Variants in ALS2 observed in about 807,000 individuals in gnomAD.
The protein encoded by ALS2 is alsin.
ALS2 carries 117 observed loss-of-function variants against 203.4 expected under a neutral mutation model. The observed-to-expected ratio is 0.58, with a 90% CI of 0.50 to 0.67. The LOEUF (loss-of-function observed/expected upper bound fraction) is 0.67. ALS2 is among the 30% of genes least tolerant of loss of function. ALS2 has a pLI of 0.00. For synonymous variants in ALS2, 718 were observed against 725.9 expected, an observed-to-expected ratio of 0.99 and a Z score of 0.17; for missense variants, 1,715 against 1,989.4, an observed-to-expected ratio of 0.86 and a Z score of 2.62.
intron 6 of ALS2, among the ~76,000 whole-genome samples, chr2:201,753,597 C>G (rs2041758): frequency 0.57 from 86,398 of 152,012 alleles, 25,803 homozygotes; most frequent in Admixed American, 0.7. Context: ...ACTATGAATA[C>G]AGACATTTAT....
Position 201,726,718 on chromosome 2 carries a change from C to A in ALS2, c.3128G>T (p.Arg1043Leu), listed in dbSNP as rs755618674. The change falls in exon 18 of 34, where the codon CGC (arginine) becomes CTC (leucine). Residue 1043 changes from arginine (R) to leucine (L), a missense_variant. Arg to Leu is a moderately radical substitution (Grantham distance 102, BLOSUM62 -2). Around this residue, in one of 3 missense-constraint regions of ALS2, gnomAD observed 1,227 missense variants for 1,413.5 expected, o/e 0.87. Transcript: ENST00000264276. ...SAKYTFYKDP[R>L]LKDATYDGRW... ...TCCATCATAGGTGGCATCCTTTAGG[C>A]GAGGATCCTTGTAGAAAGTATATTT... 6.2e-7 allele frequency: 1 copy of A among 1,614,162 alleles called. No homozygotes were observed. Among genetic ancestry groups the A allele is most frequent in the African/African-American group, 1.3e-5 (1 of 75,030 alleles).
Position 201,705,940 on chromosome 2 carries a change from C to T in ALS2, c.4581-479G>A, listed in dbSNP as rs1171247255. Among the ~76,000 whole-genome samples the T allele has an allele frequency of 1.5e-4, 15 of 97,400 alleles. No homozygotes were observed. In the Admixed American group the frequency reaches 1.7e-3, roughly 11 times the overall value. 63.9% of individuals were successfully genotyped at this position (97,400 alleles called of 152,430 possible). A position where few individuals can be genotyped will look rare whatever the true frequency, so the allele number is the denominator to read the frequency against. ...CTCCAGCCAGGGCAACAAAGCAAGA[C>T]TCCGTCTCAAAAAAAAAAAAAATTG... On this transcript the variant is annotated intron_variant, in intron 29 of 33. Coordinates refer to ENST00000264276, the MANE Select transcript of ALS2 (RefSeq NM_020919.4).
chr2:201,723,746 T>G (rs1022714119), intron 21 of ALS2, among the ~76,000 whole-genome samples: 2 of 152,200 alleles, frequency 1.3e-5, no homozygotes, highest in African/African-American at 4.8e-5. Flanking sequence ...AATTCAACTC[T>G]AAATAATTTC....
Position 201,733,346 on chromosome 2 carries a change from A to T in ALS2, c.2510T>A (p.Phe837Tyr). Reference sequence around the variant, plus strand: ...ATGAAGTCGTCTGATTGGCAAGAAAAACAAAGTATTCAGTATTTCCATCAA... The same window carrying T: ...ATGAAGTCGTCTGATTGGCAAGAAATACAAAGTATTCAGTATTTCCATCAA... Reference protein sequence around the residue: ...TQLMEILNTLFFLPIRRLHNY... With the variant: ...TQLMEILNTLYFLPIRRLHNY... Residue 837 changes from phenylalanine to tyrosine, a missense_variant, in exon 13 of 34, where the codon TTT becomes TAT. Physicochemically the swap from Phe to Tyr is conservative, Grantham distance 22. This residue lies in a region of ALS2 where 1,227 missense variants were observed against 1,413.5 expected (regional missense o/e 0.87). Transcript: ENST00000264276. 6.2e-7 allele frequency: 1 copy of T among 1,613,896 alleles called. No individual in the cohort carries two copies. The highest frequency in any genetic ancestry group is 8.5e-7 in the Non-Finnish European group (1 of 1,179,880).
intron 11 of ALS2, chr2:201,741,397 C>T (rs185858411): frequency 6.0e-6 from 2 of 331,794 alleles, no homozygotes; most frequent in Non-Finnish European, 1.1e-5. Context: ...TCTAAAGAAC[C>T]AGACTTATTA....
chr2:201,721,647 T>C (rs1232782248), intron 23 of ALS2, among the ~76,000 whole-genome samples: 1 of 149,802 alleles, frequency 6.7e-6, no homozygotes, highest in East Asian at 2.0e-4. Context: ...GACCTAAATA[T>C]AAAAGGCAAA....
At chr2:201,743,948 G>A (rs1574746977) in intron 10 of ALS2, among the ~76,000 whole-genome samples, 2 of 152,326 alleles carry the variant, frequency 1.3e-5, no homozygotes, top group Admixed American at 1.3e-4. Context: ...TTGTTTGGAA[G>A]TCTAACTTTA....
At chr2:201,720,030 A>G in intron 23 of ALS2, 1 of 349,408 alleles carries the variant, frequency 2.9e-6, no homozygotes. Flanking sequence ...GAATTCTCCC[A>G]AACATTCAAA....
chr2:201,709,993 G>A lies in ALS2; in HGVS notation c.4168C>T (p.Leu1390=). ...LHPLGRLVET[L]VAVYRMTYVG... ...TATGTCATTCTATACACTGCAACCA[G>A]TGTCTCCACAAGCCTGCCCAGGGGG... The change falls in exon 27 of 34, where the codon CTG becomes TTG. Residue 1390 remains leucine (L), a synonymous_variant. Transcript: ENST00000264276. 3 of 1,613,996 alleles carry A rather than the reference G, an allele frequency of 1.9e-6. No homozygotes were observed. The highest frequency in any genetic ancestry group is 2.5e-6 in the Non-Finnish European group (3 of 1,179,898).
intron 27 of ALS2, among the ~76,000 whole-genome samples, chr2:201,708,967 T>TA (rs951392192): frequency 1.3e-5 from 2 of 152,240 alleles, no homozygotes; most frequent in African/African-American, 4.8e-5. Context: ...ATCTTTTTAA[T>TA]AGACCACACT....
Position 201,706,975 on chromosome 2 carries a change from C to T in ALS2, c.4451G>A (p.Arg1484Gln), listed in dbSNP as rs772543276. The T allele has an allele frequency of 3.7e-6, 6 of 1,613,656 alleles. No homozygotes were observed. In the Admixed American group the frequency reaches 5.0e-5, roughly 13 times the overall value. The stretch of plus-strand genomic sequence containing the variant: ...AAGCATAAACAGCGGTGGGTAGAGC[C>T]GAGGTAGCAGCACAGGAAGCAATAA... ...SGLLLPVLLP[R>Q]LYPPLFMLYA... The change falls in exon 29 of 34, where the codon CGG (arginine) becomes CAG (glutamine). Residue 1484 changes from arginine to glutamine, a missense_variant. This residue lies in a region of ALS2 where 1,227 missense variants were observed against 1,413.5 expected (regional missense o/e 0.87). Coordinates refer to ENST00000264276, the MANE Select transcript of ALS2 (RefSeq NM_020919.4).
chr2:201,749,272 G>T (rs975804005), intron 8 of ALS2, among the ~76,000 whole-genome samples: 1 of 150,634 alleles, frequency 6.6e-6, no homozygotes. Context: ...AAGTGAAAAG[G>T]CTTACAAAAA....
chr2:201,761,067 A>C lies in ALS2; in HGVS notation c.927T>G (p.Ser309Arg). Reference protein sequence around the residue: ...QSVATELNAVSAQITSSDAMS... With the variant: ...QSVATELNAVRAQITSSDAMS... ...TGGCATCGCTGCTTGTGATCTGAGC[A>C]CTTACTGCATTCAGTTCAGTAGCAA... The change falls in exon 4 of 34, where the codon AGT becomes AGG. Residue 309 changes from serine (S) to arginine (R), a missense_variant. Around this residue, in one of 3 missense-constraint regions of ALS2, gnomAD observed 476 missense variants for 539.3 expected, o/e 0.88. Coordinates refer to ENST00000264276, the MANE Select transcript of ALS2 (RefSeq NM_020919.4). 6.2e-7 allele frequency: 1 copy of C among 1,614,192 alleles called. No homozygotes were observed. Among genetic ancestry groups the C allele is most frequent in the South Asian group, 1.1e-5 (1 of 91,082 alleles).
At chr2:201,713,320 C>T (rs1418427266) in intron 25 of ALS2, among the ~76,000 whole-genome samples, 3 of 151,796 alleles carry the variant, frequency 2.0e-5, no homozygotes, top group East Asian at 3.9e-4. Flanking sequence ...TGGGGTTTCA[C>T]TTTGTTGGCC....
chr2:201,727,860 C>T, intron 15 of ALS2, 85 bp from the exon 16 acceptor site: 3 of 1,259,332 alleles, frequency 2.4e-6, no homozygotes, highest in Non-Finnish European at 3.4e-6. Context: ...TGTCATTAAC[C>T]CACATGGGCC....
chr2:201,779,492 A>G (rs368079629), intron 1 of ALS2, among the ~76,000 whole-genome samples: 14 of 152,230 alleles, frequency 9.2e-5, no homozygotes, highest in African/African-American at 3.4e-4. Flanking sequence ...GAACAACTTG[A>G]AATCATATTT....
intron 8 of ALS2, among the ~76,000 whole-genome samples, chr2:201,748,576 T>G (rs753382999): frequency 6.6e-6 from 1 of 152,220 alleles, no homozygotes; most frequent in African/African-American, 2.4e-5. Flanking sequence ...CATGCTACAT[T>G]ACAAAGGTTT....
At position 201,723,127 on chromosome 2, in the gene ALS2, GAAGA is replaced by G; in HGVS notation, c.3625-11_3625-8del. 1 of 1,607,658 alleles carries G rather than the reference GAAGA, an allele frequency of 6.2e-7. No individual in the cohort carries two copies. Among genetic ancestry groups the G allele is most frequent in the South Asian group, 1.1e-5 (1 of 90,948 alleles). On this transcript the variant is annotated splice_region_variant and splice_polypyrimidine_tract_variant and intron_variant, in intron 22 of 33. Transcript: ENST00000264276. ...AAAGCAAAACCCCATTTCCCTACAA[GAAGA>G]AACAAGAGAAAAATTACAACACATA...
intron 25 of ALS2, among the ~76,000 whole-genome samples, chr2:201,711,794 A>G (rs937042809): frequency 3.3e-5 from 5 of 152,370 alleles, no homozygotes; most frequent in Non-Finnish European, 5.9e-5. Flanking sequence ...AGATAAACAT[A>G]TAAGATCTTT....
Sources: allele counts gnomAD v4.1 joint callset (sites outside exome capture counted in the v4.1 genomes callset), GRCh38; gene constraint gnomAD v4.1.1; regional missense constraint gnomAD v4.1.1; transcripts MANE v1.5; gene names NCBI Gene and HGNC (gene_info 2026-07-23, HGNC 2026-07-21).